Variants in CHD1L observed in about 807,000 individuals in gnomAD.
CHD1L encodes the protein ATP-dependent chromatin remodeler CHD1L.
Under a neutral mutation model 115.9 loss-of-function variants are expected in CHD1L, and 118 were observed. The observed-to-expected ratio is 1.02, with a 90% CI of 0.88 to 1.19. The LOEUF is 1.19. CHD1L is among the 50% of genes most tolerant of loss of function. CHD1L has a pLI of 0.00. For missense variants in CHD1L, 1,179 were observed against 1,065.3 expected, an observed-to-expected ratio of 1.11 and a Z score of -1.49; for synonymous variants, 411 against 387.1, an observed-to-expected ratio of 1.06 and a Z score of -0.72.
chr1:147,260,404 G>C (rs587766792), intron 6 of CHD1L: 1 of 152,096 alleles, frequency 6.6e-6, no homozygotes, highest in Non-Finnish European at 1.5e-5. Context: ...TTCGATTTCT[G>C]CAGGGCTAAA....
In CHD1L at chr1:147,244,069, T is replaced by C. The variant is rs587620253; in HGVS notation, c.127+1239T>C. On this transcript the variant is annotated intron_variant, in intron 1 of 22. Coordinates refer to ENST00000369258, the MANE Select transcript of CHD1L (RefSeq NM_004284.6). ...AGTATGAGCTTGTAGACTGGTCTTT[T>C]TATGTTTGACTTTATCTTAACGAAA... Among the ~76,000 whole-genome samples, 3 of 152,340 alleles carry C rather than the reference T, an allele frequency of 2.0e-5. No homozygotes were observed. In the South Asian group the frequency reaches 6.2e-4, roughly 32 times the overall value.
At position 147,287,717 on chromosome 1, in the gene CHD1L, G is replaced by A; in HGVS notation, c.2304G>A (p.Leu768=). 1 of 1,613,908 alleles carries A rather than the reference G, an allele frequency of 6.2e-7. No homozygotes were observed. The highest frequency in any genetic ancestry group is 8.5e-7 in the Non-Finnish European group (1 of 1,179,974). ...CTGAGCCAAGAAAAATATATGAGCT[G>A]GCTGGGAAAATGAAAGGTAAGAAGC... ...RSAEPRKIYE[L]AGKMKDLSLG... Residue 768 remains leucine, a synonymous_variant, in exon 19 of 23, where the codon CTG becomes CTA. Coordinates refer to ENST00000369258, the MANE Select transcript of CHD1L (RefSeq NM_004284.6).
chr1:147,253,157 G>A (rs1668959990), intron 2 of CHD1L, among the ~76,000 whole-genome samples: 1 of 152,160 alleles, frequency 6.6e-6, no homozygotes. Flanking sequence ...AATGAGTTGA[G>A]AAGTATGCCC....
chr1:147,191,465 G>A, the CHD1L span, among the ~76,000 whole-genome samples: 1 of 151,948 alleles, frequency 6.6e-6, no homozygotes, highest in East Asian at 1.9e-4. Context: ...TGTATTTTTT[G>A]GCTGCATAAA....
chr1:147,289,951 T>C (rs1461557659), intron 19 of CHD1L, among the ~76,000 whole-genome samples: 2 of 152,194 alleles, frequency 1.3e-5, no homozygotes, highest in African/African-American at 2.4e-5. Context: ...GAATGGGTAA[T>C]AGCTGGTCGT....
chr1:147,231,848 C>T, the CHD1L span, among the ~76,000 whole-genome samples: 3 of 152,156 alleles, frequency 2.0e-5, no homozygotes, highest in African/African-American at 7.2e-5. Context: ...CTTTGACTAG[C>T]AAAGGGAATT....
intron 5 of CHD1L, among the ~76,000 whole-genome samples, chr1:147,258,716 A>C (rs1670934091): frequency 6.6e-6 from 1 of 152,156 alleles, no homozygotes; most frequent in African/African-American, 2.4e-5. Context: ...TCCTCCTTGT[A>C]AGGTGAACCT....
chr1:147,295,205 G>C (rs1451974443), intron 22 of CHD1L, among the ~76,000 whole-genome samples: 4 of 152,200 alleles, frequency 2.6e-5, no homozygotes, highest in Non-Finnish European at 5.9e-5. Context: ...ACTTAGAGAA[G>C]CCAGCTTTTA....
Position 147,294,427 on chromosome 1 carries a change from G to A in CHD1L, c.2525G>A (p.Arg842His), listed in dbSNP as rs782473109. The change falls in exon 22 of 23, where the codon CGT becomes CAT. Residue 842 changes from arginine (R) to histidine (H), a missense_variant. By Grantham distance (29) the Arg-to-His change is conservative. Coordinates refer to ENST00000369258, the MANE Select transcript of CHD1L (RefSeq NM_004284.6). ...ATAATAGCAAGTGTTCATCTTCCAC[G>A]TATTGGACATGCCACGAAAGGTTTT... Reference protein sequence around the residue: ...KKKKASVHLPRIGHATKGFNW... With the variant: ...KKKKASVHLPHIGHATKGFNW... 8 of 1,611,522 alleles carry A rather than the reference G, an allele frequency of 5.0e-6. No homozygotes were observed. The Admixed American group carries it at 5.0e-5, about 10-fold the overall frequency.
chr1:147,287,684 G>C lies in CHD1L; in HGVS notation c.2271G>C (p.Lys757Asn). 6.2e-7 allele frequency: 1 copy of C among 1,614,056 alleles called. No homozygotes were observed. The highest frequency in any genetic ancestry group is 8.5e-7 in the Non-Finnish European group (1 of 1,180,010). The change falls in exon 19 of 23, where the codon AAG becomes AAC. Residue 757 changes from lysine to asparagine, a missense_variant. Physicochemically the swap from Lys to Asn is moderately conservative, Grantham distance 94. Coordinates refer to ENST00000369258, the MANE Select transcript of CHD1L (RefSeq NM_004284.6). Reference protein sequence around the residue: ...GRGGLFTALEKRSAEPRKIYE... With the variant: ...GRGGLFTALENRSAEPRKIYE... ...GTGGTTTATTTACAGCTCTGGAAAA[G>C]CGATCCGCTGAGCCAAGAAAAATAT...
At position 147,280,178 on chromosome 1, in the gene CHD1L, T is replaced by A; in HGVS notation, c.1692T>A (p.Asp564Glu). The A allele has an allele frequency of 6.3e-7, 1 of 1,598,230 alleles. No individual in the cohort carries two copies. ...ALPAAEGGSR[D>E]QEEGKNHMYL... ...CTGCAGCAGAAGGAGGGAGCAGAGA[T>A]CAAGAGGAAGGAAGTAAGTTGGAGG... The change falls in exon 15 of 23, where the codon GAT (aspartate) becomes GAA (glutamate). Residue 564 changes from aspartate (D) to glutamate (E), a missense_variant. Physicochemically the swap from Asp to Glu is conservative, Grantham distance 45. Transcript: ENST00000369258.
At chr1:147,270,840 T>C (rs1553952393) in intron 10 of CHD1L, 92 bp from the exon 11 acceptor site, 1 of 1,015,508 alleles carries the variant, frequency 9.8e-7, no homozygotes, top group African/African-American at 1.6e-5. Context: ...TATTTATTTA[T>C]AAACTTTTAT....
upstream of CHD1L, among the ~76,000 whole-genome samples, chr1:147,241,062 C>G (rs182275860): frequency 6.6e-6 from 1 of 152,246 alleles, no homozygotes; most frequent in Admixed American, 6.5e-5. Context: ...GCAGGCCACC[C>G]CTTCACTACC....
At chr1:147,290,948 C>A (rs587629560) in intron 19 of CHD1L, among the ~76,000 whole-genome samples, 1 of 152,134 alleles carries the variant, frequency 6.6e-6, no homozygotes, top group East Asian at 1.9e-4. Context: ...TCACTGTGCT[C>A]GGCCATATAT....
the CHD1L span, among the ~76,000 whole-genome samples, chr1:147,176,627 A>G: frequency 6.6e-6 from 1 of 152,232 alleles, no homozygotes; most frequent in Non-Finnish European, 1.5e-5. Context: ...GTATAGTGAT[A>G]CTGTGACTAA....
chr1:147,260,463 T>C lies in CHD1L; in HGVS notation c.576+545T>C, dbSNP rs587695604. 4 of 152,368 alleles carry C rather than the reference T, an allele frequency of 2.6e-5. No individual in the cohort carries two copies. The South Asian group carries it at 8.3e-4, about 32-fold the overall frequency. The allele number at this position is 152,368 out of a possible 1,614,324, so 9.4% of individuals were successfully genotyped here. A position where few individuals can be genotyped will look rare whatever the true frequency, so the allele number is the denominator to read the frequency against. On this transcript the variant is annotated intron_variant, in intron 6 of 22. Transcript: ENST00000369258. ...GAAGTACTAAATATGGCCTAACTTC[T>C]TCTTTCTTTTATATTGGAGATAGGT...
At chr1:147,187,247 T>G in the CHD1L span, 4 of 1,579,842 alleles carry the variant, frequency 2.5e-6, no homozygotes, top group Non-Finnish European at 3.4e-6. Flanking sequence ...TCCACATACC[T>G]AAAGTAGAAA....
the CHD1L span, chr1:147,174,796 C>T: frequency 1.3e-5 from 2 of 152,034 alleles, no homozygotes. Context: ...TGCTGTCACC[C>T]CAATGCTCTT....
At chr1:147,214,134 C>T in the CHD1L span, among the ~76,000 whole-genome samples, 1 of 152,096 alleles carries the variant, frequency 6.6e-6, no homozygotes, top group African/African-American at 2.4e-5. Context: ...GGCCCATGAC[C>T]ATAATGTCTT....
Sources: gnomAD v4.1 joint callset for allele counts (sites outside exome capture counted in the v4.1 genomes callset) on GRCh38, gnomAD v4.1.1 for gene constraint, MANE v1.5 for transcripts, NCBI Gene and HGNC (gene_info 2026-07-23, HGNC 2026-07-21) for gene names.